Variants in TAFA1 observed in about 807,000 individuals in gnomAD.
TAFA1 encodes TAFA chemokine like family member 1.
A neutral mutation model predicts 18.5 loss-of-function variants in TAFA1; 4 were observed. The observed-to-expected ratio is 0.22, with a 90% CI of 0.11 to 0.49. TAFA1 has a LOEUF of 0.49. Among genes scored for constraint, TAFA1 ranks in the 20% least tolerant of loss-of-function variants. The probability of loss-of-function intolerance (pLI) is 0.98; values close to 1 mark genes in which losing one functional copy is unlikely to be tolerated. For synonymous variants in TAFA1, 56 were observed against 55.2 expected, an observed-to-expected ratio of 1.01 and a Z score of -0.06; for missense variants, 147 against 169.0, an observed-to-expected ratio of 0.87 and a Z score of 0.72.
In TAFA1 at chr3:68,006,689, A is replaced by T. The variant is rs1704364921; in HGVS notation, c.63A>T (p.Leu21=). ...LYLWISACAM[L]LCHGSLQHTF... ...TGTGGATAAGTGCTTGTGCAATGCT[A>T]CTCTGCCATGGATCCCTTCAGCACA... Residue 21 remains leucine (L), a synonymous_variant, in exon 2 of 5, where the codon CTA becomes CTT. Transcript: ENST00000478136. 3 of 1,613,772 alleles carry T rather than the reference A, an allele frequency of 1.9e-6. No individual in the cohort carries two copies. Among genetic ancestry groups the T allele is most frequent in the Admixed American group, 1.7e-5 (1 of 59,998 alleles).
intron 2 of TAFA1, among the ~76,000 whole-genome samples, chr3:68,096,946 T>A (rs2065093619): frequency 6.6e-6 from 1 of 152,126 alleles, no homozygotes; most frequent in African/African-American, 2.4e-5. Flanking sequence ...AGCAGGTGTA[T>A]ACCCCTAGGC....
chr3:68,398,941 TTC>T (rs2070435157), intron 2 of TAFA1, among the ~76,000 whole-genome samples: 1 of 152,174 alleles, frequency 6.6e-6, no homozygotes, highest in African/African-American at 2.4e-5. Flanking sequence ...GTAGAAAAAT[TTC>T]TCTCTCATTT....
chr3:68,281,539 G>A (rs939556424), intron 2 of TAFA1, among the ~76,000 whole-genome samples: 8 of 147,852 alleles, frequency 5.4e-5, no homozygotes, highest in African/African-American at 1.8e-4. Context: ...GTGCGATCTC[G>A]GCTCACTGCA....
Position 68,340,901 on chromosome 3 carries a change from G to A in TAFA1, c.119-76379G>A, listed in dbSNP as rs992460519. On this transcript the variant is annotated intron_variant, in intron 2 of 4. Coordinates refer to ENST00000478136, the MANE Select transcript of TAFA1 (RefSeq NM_213609.4). ...AATTGAAGGGCAAATTGAGATCTGT[G>A]CTATGAATTCAGATAAAAGAAAACA... Among the ~76,000 whole-genome samples the A allele has an allele frequency of 2.0e-5, 3 of 152,194 alleles. No homozygotes were observed. The East Asian group carries it at 5.8e-4, about 29-fold the overall frequency.
intron 2 of TAFA1, among the ~76,000 whole-genome samples, chr3:68,083,157 A>G (rs1027711129): frequency 6.6e-6 from 1 of 152,184 alleles, no homozygotes; most frequent in East Asian, 1.9e-4. Flanking sequence ...TGTCATGCAC[A>G]TATCAAATGA....
At chr3:68,197,530 A>G (rs1454945257) in intron 2 of TAFA1, among the ~76,000 whole-genome samples, 1 of 151,578 alleles carries the variant, frequency 6.6e-6, no homozygotes, top group Non-Finnish European at 1.5e-5. Context: ...TATTCTCCAT[A>G]TCAGTGGCAA....
At chr3:68,357,663 G>T (rs2069390987) in intron 2 of TAFA1, among the ~76,000 whole-genome samples, 2 of 151,926 alleles carry the variant, frequency 1.3e-5, no homozygotes, top group Non-Finnish European at 2.9e-5. Flanking sequence ...GACACAGGGG[G>T]AGAAAATGGC....
chr3:68,252,416 C>G (rs2067214232), intron 2 of TAFA1, among the ~76,000 whole-genome samples: 1 of 152,108 alleles, frequency 6.6e-6, no homozygotes, highest in Admixed American at 6.6e-5. Flanking sequence ...AAAATTACAT[C>G]AAATTATATT....
intron 2 of TAFA1, among the ~76,000 whole-genome samples, chr3:68,087,882 A>G (rs2064989884): frequency 6.6e-6 from 1 of 152,030 alleles, no homozygotes. Flanking sequence ...TACTATAGGC[A>G]TTTCTGTATA....
chr3:68,461,755 C>T (rs569487602), intron 3 of TAFA1, among the ~76,000 whole-genome samples: 1 of 151,796 alleles, frequency 6.6e-6, no homozygotes, highest in Non-Finnish European at 1.5e-5. Flanking sequence ...GCTGCTCTGT[C>T]CTAGGACTCA....
intron 2 of TAFA1, among the ~76,000 whole-genome samples, chr3:68,349,310 T>TA (rs34866712): frequency 6.6e-6 from 1 of 152,118 alleles, no homozygotes; most frequent in East Asian, 1.9e-4. Context: ...TTCTAATTGC[T>TA]AAAAAATTTG....
chr3:68,274,882 A>G (rs928240320), intron 2 of TAFA1, among the ~76,000 whole-genome samples: 1 of 152,002 alleles, frequency 6.6e-6, no homozygotes, highest in African/African-American at 2.4e-5. Context: ...AAATGATTCC[A>G]TTACCAAAGG....
At chr3:68,158,036 T>C (rs1462891388) in intron 2 of TAFA1, among the ~76,000 whole-genome samples, 1 of 152,084 alleles carries the variant, frequency 6.6e-6, no homozygotes, top group East Asian at 1.9e-4. Flanking sequence ...GAGCGGAAAT[T>C]AAAATCTGTG....
rs1320605732 is a variant in TAFA1, at chr3:68,262,343, A to G, written c.119-154937A>G. On this transcript the variant is annotated intron_variant, in intron 2 of 4. Coordinates refer to ENST00000478136, the MANE Select transcript of TAFA1 (RefSeq NM_213609.4). ...TATATATATATATATATATATATATATATATATATATATATTTCATGGGTA... is the reference window on the plus strand; with the variant it reads ...TATATATATATATATATATATATATGTATATATATATATATTTCATGGGTA... Among the ~76,000 whole-genome samples, 3 of 88,044 alleles carry G rather than the reference A, an allele frequency of 3.4e-5. 1 individual carries two copies. The highest frequency in any genetic ancestry group is 1.3e-4 in the African/African-American group (3 of 22,244). The allele number at this position is 88,044 out of a possible 152,430, so 57.8% of individuals were successfully genotyped here.
chr3:68,113,932 T>G (rs2065295842), intron 2 of TAFA1, among the ~76,000 whole-genome samples: 1 of 124,766 alleles, frequency 8.0e-6, no homozygotes. Flanking sequence ...TGAGACAGAG[T>G]CTCACTCCGC....
At chr3:68,066,404 A>T (rs2064678746) in intron 2 of TAFA1, among the ~76,000 whole-genome samples, 1 of 152,196 alleles carries the variant, frequency 6.6e-6, no homozygotes, top group South Asian at 2.1e-4. Flanking sequence ...AATAAATGCA[A>T]AGAAGGCATA....
At chr3:68,239,594 A>T (rs2066971814) in intron 2 of TAFA1, among the ~76,000 whole-genome samples, 1 of 152,198 alleles carries the variant, frequency 6.6e-6, no homozygotes, top group Non-Finnish European at 1.5e-5. Flanking sequence ...CATTTGAAGA[A>T]GGGTCTATGC....
chr3:68,340,004 T>A (rs2069052959), intron 2 of TAFA1, among the ~76,000 whole-genome samples: 1 of 152,250 alleles, frequency 6.6e-6, no homozygotes, highest in African/African-American at 2.4e-5. Flanking sequence ...CTATCCTTTT[T>A]ATTTTCTTCT....
At chr3:68,172,215 A>C (rs1384816133) in intron 2 of TAFA1, among the ~76,000 whole-genome samples, 3 of 152,202 alleles carry the variant, frequency 2.0e-5, no homozygotes, top group Non-Finnish European at 4.4e-5. Flanking sequence ...GAGAAACATG[A>C]CTTATCACAT....
Sources: gnomAD v4.1 joint callset for allele counts (sites outside exome capture counted in the v4.1 genomes callset) on GRCh38, gnomAD v4.1.1 for gene constraint, MANE v1.5 for transcripts, NCBI Gene and HGNC (gene_info 2026-07-23, HGNC 2026-07-21) for gene names.